Variants in KCNH8 observed in about 807,000 individuals in gnomAD.
KCNH8 encodes potassium voltage-gated channel subfamily H member 8.
A neutral mutation model predicts 103.6 loss-of-function variants in KCNH8; 70 were observed. The ratio of observed to expected loss-of-function variants is 0.68; its 90% CI spans 0.56 to 0.82. The LOEUF is 0.82. Ranked by LOEUF, KCNH8 falls within the 40% of genes least tolerant of loss-of-function variation. KCNH8 has a pLI of 0.00. For synonymous variants in KCNH8, 498 were observed against 489.4 expected (o/e 1.02, Z -0.23); for missense variants, 1,217 against 1,329.9 (o/e 0.92, Z 1.32).
rs111735837 is a variant in KCNH8 at position 19,187,965 on chromosome 3, G to A, written c.76+39170G>A. Among the ~76,000 whole-genome samples, 391 of 151,922 alleles carry A rather than the reference G, an allele frequency of 2.6e-3. 4 individuals carry two copies. Among genetic ancestry groups the A allele is most frequent in the African/African-American group, 8.5e-3 (351 of 41,446 alleles). Reference sequence around the variant, plus strand: ...ACTGTGTTTTGTAACCACTATACACGTACCAGCGTCACCAGATATATTCTT... The same window carrying A: ...ACTGTGTTTTGTAACCACTATACACATACCAGCGTCACCAGATATATTCTT... On this transcript the variant is annotated intron_variant, in intron 1 of 15. Coordinates refer to ENST00000328405, the MANE Select transcript of KCNH8 (RefSeq NM_144633.3).
intron 1 of KCNH8, among the ~76,000 whole-genome samples, chr3:19,207,032 A>C (rs1228521957): frequency 6.6e-6 from 1 of 151,964 alleles, no homozygotes; most frequent in East Asian, 1.9e-4. Flanking sequence ...GAAAATGCAT[A>C]CCTGAAACTC....
chr3:19,514,533 A>T (rs1168691740), intron 13 of KCNH8, among the ~76,000 whole-genome samples: 1 of 151,894 alleles, frequency 6.6e-6, no homozygotes, highest in Non-Finnish European at 1.5e-5. Flanking sequence ...GAGGACATAC[A>T]TCAAAATCTT....
chr3:19,457,334 T>A (rs1397110024), intron 11 of KCNH8, among the ~76,000 whole-genome samples: 1 of 151,980 alleles, frequency 6.6e-6, no homozygotes, highest in Non-Finnish European at 1.5e-5. Context: ...TGGTTCAGTT[T>A]GCTGTGTTTG....
intron 3 of KCNH8, among the ~76,000 whole-genome samples, chr3:19,294,565 C>T (rs1329931886): frequency 6.6e-6 from 1 of 152,182 alleles, no homozygotes; most frequent in Non-Finnish European, 1.5e-5. Flanking sequence ...AACTGAAGAG[C>T]TCATATAGAT....
chr3:19,497,755 C>T (rs2068475506), intron 11 of KCNH8, among the ~76,000 whole-genome samples: 1 of 152,114 alleles, frequency 6.6e-6, no homozygotes, highest in African/African-American at 2.4e-5. Context: ...TTGACAGATC[C>T]ATTTATTCAA....
At chr3:19,518,221 G>C (rs2068908978) in intron 15 of KCNH8, 147 bp downstream of exon 15, 1 of 604,428 alleles carries the variant, frequency 1.7e-6, no homozygotes, top group Admixed American at 3.1e-5. Flanking sequence ...CCTCATGTAA[G>C]TTGTGTGATC....
intron 1 of KCNH8, among the ~76,000 whole-genome samples, chr3:19,221,731 G>T (rs552672376): frequency 3.3e-5 from 5 of 151,976 alleles, no homozygotes; most frequent in African/African-American, 1.2e-4. Flanking sequence ...ATGTCATTTG[G>T]TGGTTGTTAT....
chr3:19,515,180 G>A (rs1274391828), intron 13 of KCNH8, 142 bp from the exon 14 acceptor site: 3 of 428,122 alleles, frequency 7.0e-6, no homozygotes, highest in African/African-American at 6.2e-5. Flanking sequence ...AGCAATATAA[G>A]GCTAATGGTT....
At chr3:19,462,284 C>T (rs1251294927) in intron 11 of KCNH8, among the ~76,000 whole-genome samples, 5 of 152,176 alleles carry the variant, frequency 3.3e-5, no homozygotes, top group Non-Finnish European at 7.3e-5. Flanking sequence ...CCTATTTCTC[C>T]ATATCCTCTC....
At chr3:19,525,660 A>G (rs1282854415) in intron 15 of KCNH8, among the ~76,000 whole-genome samples, 3 of 151,976 alleles carry the variant, frequency 2.0e-5, no homozygotes, top group Non-Finnish European at 1.5e-5. Flanking sequence ...TTTCAAGACT[A>G]TAATTGGTCA....
intron 1 of KCNH8, among the ~76,000 whole-genome samples, chr3:19,251,439 C>A (rs2064276810): frequency 6.6e-6 from 1 of 151,796 alleles, no homozygotes; most frequent in African/African-American, 2.4e-5. Context: ...TGGGCAGAGG[C>A]AGGGTGCTGA....
intron 3 of KCNH8, among the ~76,000 whole-genome samples, chr3:19,298,989 G>A (rs949423860): frequency 6.6e-6 from 1 of 151,690 alleles, no homozygotes; most frequent in African/African-American, 2.4e-5. Flanking sequence ...AAATAAGAGG[G>A]GTGCTTTGGA....
In KCNH8 at chr3:19,458,233, T is replaced by C. The variant is rs146258937; in HGVS notation, c.2040+1251T>C. On this transcript the variant is annotated intron_variant, in intron 11 of 15. Transcript: ENST00000328405. ...TTAAATATGTTGCCTCATCTTGAAA[T>C]CCTTTTCATGTCTTTTAAAAAAAAT... Among the ~76,000 whole-genome samples the C allele has an allele frequency of 2.1e-3, 324 of 152,040 alleles. 2 individuals carry two copies. The highest frequency in any genetic ancestry group is 3.5e-3 in the Non-Finnish European group (235 of 67,858).
chr3:19,156,990 A>G (rs905212462), intron 1 of KCNH8, among the ~76,000 whole-genome samples: 1 of 147,370 alleles, frequency 6.8e-6, no homozygotes, highest in African/African-American at 2.7e-5. Flanking sequence ...TTTAAAAAAA[A>G]GGTTTTCTTT....
At chr3:19,208,273 T>A (rs1157896600) in intron 1 of KCNH8, among the ~76,000 whole-genome samples, 1 of 152,082 alleles carries the variant, frequency 6.6e-6, no homozygotes, top group Non-Finnish European at 1.5e-5. Context: ...TAAGAAGATA[T>A]TTATTATTTG....
chr3:19,223,468 GTTTATC>G (rs1191720519), intron 1 of KCNH8, among the ~76,000 whole-genome samples: 9 of 152,126 alleles, frequency 5.9e-5, no homozygotes, highest in East Asian at 1.9e-4. Context: ...TTAAAATAAA[GTTTATC>G]TTTATATCAT....
chr3:19,257,754 T>G (rs1469871459), intron 2 of KCNH8, among the ~76,000 whole-genome samples: 1 of 152,096 alleles, frequency 6.6e-6, no homozygotes. Flanking sequence ...ATGTATTAGT[T>G]TGTTAGGGTT....
chr3:19,382,278 A>G (rs1249770434), intron 5 of KCNH8, among the ~76,000 whole-genome samples: 1 of 152,144 alleles, frequency 6.6e-6, no homozygotes, highest in African/African-American at 2.4e-5. Flanking sequence ...ATAGTAAATC[A>G]TGTTTTGGTG....
chr3:19,197,792 T>C (rs941011873), intron 1 of KCNH8, among the ~76,000 whole-genome samples: 1 of 152,146 alleles, frequency 6.6e-6, no homozygotes, highest in African/African-American at 2.4e-5. Context: ...AAAATTTTAC[T>C]GTTATTGTTG....
Sources: gnomAD v4.1 joint callset for allele counts (sites outside exome capture counted in the v4.1 genomes callset) on GRCh38, gnomAD v4.1.1 for gene constraint, MANE v1.5 for transcripts, NCBI Gene and HGNC (gene_info 2026-07-23, HGNC 2026-07-21) for gene names.